GPC3: variants seen among roughly 807,000 people sequenced by gnomAD.
GPC3 encodes the protein glypican 3.
Under a neutral mutation model 34.4 loss-of-function variants are expected in GPC3, and 3 were observed. The observed-to-expected ratio is 0.09, with a 90% confidence interval of 0.04 to 0.23. GPC3 has a LOEUF of 0.23. GPC3 is among the 10% of genes least tolerant of loss of function. GPC3 has a pLI of 1.00. For missense variants in GPC3, 351 were observed against 445.6 expected, an observed-to-expected ratio of 0.79 and a Z score of 1.91; for synonymous variants, 177 against 174.0, an observed-to-expected ratio of 1.02 and a Z score of -0.13.
intron 7 of GPC3, among the ~76,000 whole-genome samples, chrX:133,560,978 GC>G (rs1407600890): frequency 9.0e-6 from 1 of 111,331 alleles, no homozygotes; most frequent in Admixed American, 9.6e-5. Flanking sequence ...TCTCATTCCT[GC>G]TTAAAGAAAG....
rs745938003 is a variant in GPC3, at chrX:133,817,680, T to C, written c.338-63504A>G. ...AACTGGGTATTATCACTAAAAACTATGTGTATGGAGGAGGAAAGAGATGGA... is the reference window on the plus strand; with the variant it reads ...AACTGGGTATTATCACTAAAAACTACGTGTATGGAGGAGGAAAGAGATGGA... On this transcript the variant is annotated intron_variant, in intron 2 of 7. Transcript: ENST00000370818. Among the ~76,000 whole-genome samples, 332 of 108,036 alleles carry C rather than the reference T, an allele frequency of 3.1e-3. 3 individuals are homozygous for C. Among genetic ancestry groups the C allele is most frequent in the African/African-American group, 0.011 (311 of 29,510 alleles). 93.8% of individuals were successfully genotyped at this position (108,036 alleles called of 115,157 possible).
At chrX:133,566,075 CTT>C (rs1569384120) in intron 7 of GPC3, among the ~76,000 whole-genome samples, 2 of 112,357 alleles carry the variant, frequency 1.8e-5, no homozygotes. Context: ...GGAAGAGTGA[CTT>C]TAATTTTTCT....
intron 6 of GPC3, 78 bp from the exon 7 acceptor site, chrX:133,596,677 G>A (rs2069920784): frequency 1.5e-5 from 15 of 996,321 alleles, no homozygotes; most frequent in Non-Finnish European, 1.4e-6. Flanking sequence ...TTAACAGGAG[G>A]CATTAAAAAT....
intron 2 of GPC3, among the ~76,000 whole-genome samples, chrX:133,806,698 G>C (rs2124523819): frequency 9.1e-6 from 1 of 109,450 alleles, no homozygotes; most frequent in African/African-American, 3.3e-5. Context: ...GCCCAGGCTG[G>C]AGTGCAGTGG....
chrX:133,843,801 T>G (rs191746493), intron 2 of GPC3, among the ~76,000 whole-genome samples: 53 of 112,359 alleles, frequency 4.7e-4, no homozygotes, highest in African/African-American at 1.6e-3. Flanking sequence ...CTGGAAAGTT[T>G]CTGTGGCAAC....
intron 5 of GPC3, among the ~76,000 whole-genome samples, chrX:133,663,313 C>T (rs1393664016): frequency 2.7e-5 from 3 of 111,619 alleles, no homozygotes; most frequent in South Asian, 3.8e-4. Flanking sequence ...TTAGTAGAGA[C>T]GGGGTTTCGC....
At position 133,573,271 on chromosome X, in the gene GPC3, C is replaced by T. The variant is rs138697143; in HGVS notation, c.1573+23169G>A. On this transcript the variant is annotated intron_variant, in intron 7 of 7. Coordinates refer to ENST00000370818, the MANE Select transcript of GPC3 (RefSeq NM_004484.4). ...GAAACTCCCTCAGCCCAATACAGGG[C>T]ATCTATAAAAACCTCAGAGCTATTA... Among the ~76,000 whole-genome samples the T allele has an allele frequency of 2.2e-3, 247 of 112,117 alleles. 1 individual carries two copies. The highest frequency in any genetic ancestry group is 4.6e-3 in the Middle Eastern group (1 of 218).
intron 5 of GPC3, among the ~76,000 whole-genome samples, chrX:133,665,139 C>T (rs1400768251): frequency 9.0e-6 from 1 of 111,591 alleles, no homozygotes; most frequent in Non-Finnish European, 1.9e-5. Context: ...CACACACTGG[C>T]ATTTATATCT....
At chrX:133,815,682 T>G (rs910582573) in intron 2 of GPC3, among the ~76,000 whole-genome samples, 2 of 112,213 alleles carry the variant, frequency 1.8e-5, no homozygotes, top group Admixed American at 1.9e-4. Context: ...CTTATTTGTA[T>G]GTTGAGAAGC....
intron 7 of GPC3, among the ~76,000 whole-genome samples, chrX:133,582,490 C>T (rs2069740930): frequency 1.8e-5 from 2 of 112,044 alleles, no homozygotes; most frequent in African/African-American, 6.5e-5. Context: ...TGGGCTACTG[C>T]TCTGCTATTT....
chrX:133,910,461 T>G (rs1387634826), intron 2 of GPC3, among the ~76,000 whole-genome samples: 5 of 111,705 alleles, frequency 4.5e-5, no homozygotes, highest in Non-Finnish European at 9.4e-5. Context: ...TTACCAATTG[T>G]CTTCCAGACC....
At chrX:133,904,693 A>C (rs1413071620) in intron 2 of GPC3, among the ~76,000 whole-genome samples, 1 of 112,013 alleles carries the variant, frequency 8.9e-6, no homozygotes, top group African/African-American at 3.2e-5. Context: ...AAATATGCTG[A>C]CTAGGTTACT....
At chrX:133,893,719 T>C (rs2076099037) in intron 2 of GPC3, among the ~76,000 whole-genome samples, 1 of 111,795 alleles carries the variant, frequency 8.9e-6, no homozygotes, top group Admixed American at 9.5e-5. Flanking sequence ...TGTCAGACGA[T>C]GTAAGTGTGC....
At chrX:133,644,590 G>T (rs1340628740) in intron 6 of GPC3, among the ~76,000 whole-genome samples, 2 of 111,227 alleles carry the variant, frequency 1.8e-5, no homozygotes, top group Non-Finnish European at 3.8e-5. Flanking sequence ...GATATAAAAA[G>T]GAAATGAAAA....
At chrX:133,650,457 C>CCACACACA (rs537936603) in intron 6 of GPC3, among the ~76,000 whole-genome samples, 168 of 97,688 alleles carry the variant, frequency 1.7e-3, no homozygotes, top group African/African-American at 6.0e-3. Context: ...ACACACCCAC[C>CCACACACA]CACACACACA....
At chrX:133,931,725 A>G (rs767245703) in intron 2 of GPC3, among the ~76,000 whole-genome samples, 4 of 111,976 alleles carry the variant, frequency 3.6e-5, no homozygotes, top group African/African-American at 1.3e-4. Context: ...ATAGCCCTGG[A>G]AGGACTAAGG....
intron 2 of GPC3, among the ~76,000 whole-genome samples, chrX:133,950,336 C>T (rs1329541297): frequency 8.9e-6 from 1 of 112,142 alleles, no homozygotes; most frequent in African/African-American, 3.2e-5. Flanking sequence ...GCAAAGGCTT[C>T]CTGCAAATGA....
chrX:133,739,066 A>G (rs1352334487), intron 3 of GPC3, among the ~76,000 whole-genome samples: 1 of 111,547 alleles, frequency 9.0e-6, no homozygotes, highest in African/African-American at 3.3e-5. Flanking sequence ...AATTTATAAT[A>G]AGCTTTATCA....
At chrX:133,856,376 G>A (rs2124563598) in intron 2 of GPC3, among the ~76,000 whole-genome samples, 1 of 110,035 alleles carries the variant, frequency 9.1e-6, no homozygotes, top group Admixed American at 9.8e-5. Flanking sequence ...TAGTGATGTT[G>A]AGTACCTTTC....
Sources: gnomAD v4.1 joint callset for allele counts (sites outside exome capture counted in the v4.1 genomes callset) on GRCh38, gnomAD v4.1.1 for gene constraint, MANE v1.5 for transcripts, NCBI Gene and HGNC (gene_info 2026-07-23, HGNC 2026-07-21) for gene names.